GALNT17: variants seen among roughly 807,000 people sequenced by gnomAD.
The protein encoded by GALNT17 is UDP-GalNAc:polypeptide N-acetylgalactosaminyltransferase-like 3.
GALNT17 carries 29 observed loss-of-function variants against 63.7 expected under a neutral mutation model. The observed-to-expected ratio is 0.46, with a 90% CI of 0.34 to 0.62. The LOEUF (loss-of-function observed/expected upper bound fraction) is 0.62, where lower values mean the gene tolerates loss of function less well. GALNT17 is among the 20% of genes least tolerant of loss of function. GALNT17 has a pLI of 0.01. For synonymous variants in GALNT17, 305 were observed against 318.3 expected (o/e 0.96, Z 0.45); for missense variants, 603 against 799.6 (o/e 0.75, Z 2.97).
chr7:71,531,784 C>T lies in GALNT17; in HGVS notation c.963-39501C>T, dbSNP rs539893357. On this transcript the variant is annotated intron_variant, in intron 5 of 10. Coordinates refer to ENST00000333538, the MANE Select transcript of GALNT17 (RefSeq NM_022479.3). ...GCATTTCTTAAAGATAGTAGATCAG[C>T]GGGGTCCGGTCAGGAAGACAGAAGC... 8.3e-4 allele frequency among the ~76,000 whole-genome samples: 126 copies of T among 152,140 alleles called. 1 individual carries two copies. The South Asian group carries it at 0.025, about 30-fold the overall frequency.
chr7:71,693,739 A>G (rs929338663), intron 9 of GALNT17, among the ~76,000 whole-genome samples: 2 of 151,822 alleles, frequency 1.3e-5, no homozygotes, highest in African/African-American at 4.8e-5. Flanking sequence ...GTGATGAAAT[A>G]AGCTGTACAA....
At chr7:71,696,949 G>A (rs1175132851) in intron 9 of GALNT17, among the ~76,000 whole-genome samples, 2 of 152,076 alleles carry the variant, frequency 1.3e-5, no homozygotes, top group South Asian at 2.1e-4. Flanking sequence ...TATAAAATAC[G>A]AGATTATGTA....
At chr7:71,672,984 A>T (rs1791092657) in intron 8 of GALNT17, among the ~76,000 whole-genome samples, 2 of 128,914 alleles carry the variant, frequency 1.6e-5, no homozygotes, top group South Asian at 5.1e-4. Flanking sequence ...ATAAAAAATT[A>T]AATACACAGA....
chr7:71,353,087 G>T (rs550127266), intron 2 of GALNT17, among the ~76,000 whole-genome samples: 1 of 151,902 alleles, frequency 6.6e-6, no homozygotes, highest in Non-Finnish European at 1.5e-5. Context: ...GAGGGCTTTG[G>T]GGGGTGGGGG....
chr7:71,271,067 A>C (rs1182831961), intron 1 of GALNT17, among the ~76,000 whole-genome samples: 2 of 152,232 alleles, frequency 1.3e-5, no homozygotes, highest in Non-Finnish European at 2.9e-5. Flanking sequence ...GATAGTGTTA[A>C]TAATACCAAA....
intron 7 of GALNT17, among the ~76,000 whole-genome samples, chr7:71,667,708 G>A (rs1791005428): frequency 6.6e-6 from 1 of 152,130 alleles, no homozygotes; most frequent in African/African-American, 2.4e-5. Context: ...AAAGCACATG[G>A]GCAGGGAAGT....
intron 5 of GALNT17, among the ~76,000 whole-genome samples, chr7:71,422,765 C>T (rs1786689741): frequency 6.6e-6 from 1 of 152,240 alleles, no homozygotes; most frequent in African/African-American, 2.4e-5. Flanking sequence ...TGCCTTATCA[C>T]AAGGACAGAG....
intron 1 of GALNT17, among the ~76,000 whole-genome samples, chr7:71,179,999 T>C (rs571566918): frequency 6.6e-6 from 1 of 152,346 alleles, no homozygotes; most frequent in South Asian, 2.1e-4. Flanking sequence ...ATTTTGTTGT[T>C]TAAATAGCTT....
Position 71,363,761 on chromosome 7 carries a change from C to T in GALNT17, c.423-24474C>T, listed in dbSNP as rs186601338. ...GTGGTGGATAAAGATTTAAGGACAG[C>T]AAAAGGAGAGTGGTGGACGGAAAAC... On this transcript the variant is annotated intron_variant, in intron 2 of 10. Coordinates refer to ENST00000333538, the MANE Select transcript of GALNT17 (RefSeq NM_022479.3). Among the ~76,000 whole-genome samples, 413 of 152,306 alleles carry T rather than the reference C, an allele frequency of 2.7e-3. 10 individuals are homozygous for T. Among genetic ancestry groups the T allele is most frequent in the Admixed American group, 0.022 (341 of 15,300 alleles).
At chr7:71,653,883 A>G (rs991218679) in intron 6 of GALNT17, among the ~76,000 whole-genome samples, 2 of 152,296 alleles carry the variant, frequency 1.3e-5, no homozygotes, top group South Asian at 2.1e-4. Context: ...AGAAATTTAG[A>G]AACAAGCACT....
chr7:71,632,594 A>C (rs1243490096), intron 6 of GALNT17, among the ~76,000 whole-genome samples: 2 of 152,178 alleles, frequency 1.3e-5, no homozygotes, highest in Non-Finnish European at 2.9e-5. Context: ...GTTGGGGACA[A>C]GGATGAGGAG....
intron 2 of GALNT17, among the ~76,000 whole-genome samples, chr7:71,344,192 C>G (rs1000009427): frequency 6.6e-6 from 1 of 151,926 alleles, no homozygotes; most frequent in African/African-American, 2.4e-5. Flanking sequence ...CAGGAGTTTT[C>G]CCTCTAAAGG....
At chr7:71,144,843 C>A (rs1330563655) in intron 1 of GALNT17, among the ~76,000 whole-genome samples, 2 of 152,162 alleles carry the variant, frequency 1.3e-5, no homozygotes, top group African/African-American at 4.8e-5. Flanking sequence ...ATTCTCCTGC[C>A]TCAGCCTCCC....
chr7:71,592,608 T>TAAAA (rs1285616594), intron 6 of GALNT17, among the ~76,000 whole-genome samples: 2 of 56,860 alleles, frequency 3.5e-5, no homozygotes, highest in African/African-American at 5.2e-5. Flanking sequence ...ATAAAATAAA[T>TAAAA]AAAGCATGCA....
intron 1 of GALNT17, among the ~76,000 whole-genome samples, chr7:71,211,406 G>A (rs1013906192): frequency 6.6e-6 from 1 of 152,220 alleles, no homozygotes; most frequent in Non-Finnish European, 1.5e-5. Context: ...CCCCAGCCAT[G>A]TGGAACTGTA....
At chr7:71,141,679 C>CT (rs772422312) in intron 1 of GALNT17, among the ~76,000 whole-genome samples, 10,700 of 139,336 alleles carry the variant, frequency 0.077, 459 homozygotes, top group East Asian at 0.11. Context: ...TTCTTTCTTT[C>CT]TTTTTTTTTT....
chr7:71,280,726 C>T (rs1331302310), intron 1 of GALNT17, among the ~76,000 whole-genome samples: 1 of 152,170 alleles, frequency 6.6e-6, no homozygotes, highest in Non-Finnish European at 1.5e-5. Context: ...ATTTTCACCC[C>T]TGGAGAAAGA....
At chr7:71,635,206 C>A (rs867564305) in intron 6 of GALNT17, among the ~76,000 whole-genome samples, 1,546 of 123,910 alleles carry the variant, frequency 0.012, no homozygotes, top group Middle Eastern at 0.017. Flanking sequence ...GACTCCGTCT[C>A]AAAAAAAAAA....
intron 5 of GALNT17, among the ~76,000 whole-genome samples, chr7:71,456,231 G>C (rs1272216584): frequency 6.6e-6 from 1 of 151,934 alleles, no homozygotes; most frequent in Non-Finnish European, 1.5e-5. Flanking sequence ...TGGTAACAGA[G>C]TAAAACTCCA....
Sources: gnomAD v4.1 joint callset for allele counts (sites outside exome capture counted in the v4.1 genomes callset) on GRCh38, gnomAD v4.1.1 for gene constraint, MANE v1.5 for transcripts, NCBI Gene and HGNC (gene_info 2026-07-23, HGNC 2026-07-21) for gene names.